Variants in DOCK8 observed in about 807,000 individuals in gnomAD.
DOCK8 encodes the protein dedicator of cytokinesis 8.
In DOCK8, 141 loss-of-function variants were observed where a neutral mutation model predicts 245.6. That is an observed-to-expected ratio of 0.57 (90% CI 0.50 to 0.66). The LOEUF (loss-of-function observed/expected upper bound fraction) is 0.66, where lower values mean the gene tolerates loss of function less well. Among genes scored for constraint, DOCK8 ranks in the 30% least tolerant of loss-of-function variants. The probability of loss-of-function intolerance (pLI) is 0.00; values close to 1 mark genes in which losing one functional copy is unlikely to be tolerated. For synonymous variants in DOCK8, 1,168 were observed against 970.2 expected, an observed-to-expected ratio of 1.20 and a Z score of -3.79; for missense variants, 2,965 against 2,603.4, an observed-to-expected ratio of 1.14 and a Z score of -3.02.
intron 23 of DOCK8, 51 bp from the exon 24 acceptor site, chr9:390,420 G>A: frequency 6.6e-7 from 1 of 1,525,360 alleles, no homozygotes; most frequent in Non-Finnish European, 9.1e-7. Context: ...AAGTGTTGGT[G>A]AATAATAATA....
At chr9:347,392 G>C (rs1346242193) in intron 14 of DOCK8, among the ~76,000 whole-genome samples, 1 of 152,116 alleles carries the variant, frequency 6.6e-6, no homozygotes, top group Non-Finnish European at 1.5e-5. Context: ...TGCAGTCCCA[G>C]TTACTTGTGA....
Position 451,051 on chromosome 9 carries a change from G to A in DOCK8, c.5962-960G>A, listed in dbSNP as rs921285182. On this transcript the variant is annotated intron_variant, in intron 45 of 47. Transcript: ENST00000432829. ...TTCGGCGCCAGGCTCAGTGGCTCAT[G>A]CCTATAATCCCAGCACTGTGGGAGG... 3.9e-5 allele frequency among the ~76,000 whole-genome samples: 6 copies of A among 152,122 alleles called. 1 individual carries two copies. The highest frequency in any genetic ancestry group is 2.0e-4 in the Admixed American group (3 of 15,264).
Position 420,533 on chromosome 9 carries a change from A to C in DOCK8, c.3973A>C (p.Asn1325His), listed in dbSNP as rs1433907129. 1 of 1,614,182 alleles carries C rather than the reference A, an allele frequency of 6.2e-7. No homozygotes were observed. Among genetic ancestry groups the C allele is most frequent in the Non-Finnish European group, 8.5e-7 (1 of 1,180,026 alleles). The change falls in exon 31 of 48, where the codon AAC becomes CAC. Residue 1325 changes from asparagine (N) to histidine (H), a missense_variant. By Grantham distance (68) the Asn-to-His change is moderately conservative. This residue lies in a region of DOCK8 where 2,825 missense variants were observed against 2,453.5 expected (regional missense o/e 1.15). Coordinates refer to ENST00000432829, the MANE Select transcript of DOCK8 (RefSeq NM_203447.4). ...WIADLPSTQL[N>H]RILDLLFICV... ...TGCTGACCTGCCATCAACGCAGCTC[A>C]ACAGGATTTTAGATCTACTTTTCAT...
At chr9:299,428 A>T (rs1281695856) in intron 4 of DOCK8, among the ~76,000 whole-genome samples, 3 of 151,916 alleles carry the variant, frequency 2.0e-5, no homozygotes, top group African/African-American at 7.2e-5. Flanking sequence ...TACTCGGCTA[A>T]TTTTTTGTGT....
At chr9:409,179 A>G (rs1000899008) in intron 28 of DOCK8, among the ~76,000 whole-genome samples, 4 of 152,184 alleles carry the variant, frequency 2.6e-5, no homozygotes, top group Non-Finnish European at 4.4e-5. Context: ...GGCAAGGGCC[A>G]GAAGGACGCA....
chr9:233,342 G>C (rs2047164454), intron 1 of DOCK8, among the ~76,000 whole-genome samples: 1 of 152,170 alleles, frequency 6.6e-6, no homozygotes, highest in Non-Finnish European at 1.5e-5. Flanking sequence ...TGGAATAGGT[G>C]TGGTGTGGTG....
At chr9:334,749 T>TA (rs912712112) in intron 11 of DOCK8, among the ~76,000 whole-genome samples, 11 of 143,732 alleles carry the variant, frequency 7.7e-5, no homozygotes, top group African/African-American at 1.3e-4. Context: ...CTCCTAAACC[T>TA]AAAAAAAAAA....
Position 335,315 on chromosome 9 carries a change from A to G in DOCK8, c.1285+931A>G, listed in dbSNP as rs146475905. Among the ~76,000 whole-genome samples the G allele has an allele frequency of 1.2e-3, 190 of 152,330 alleles. 1 individual carries two copies. The highest frequency in any genetic ancestry group is 4.3e-3 in the African/African-American group (179 of 41,570). On this transcript the variant is annotated intron_variant, in intron 11 of 47. Coordinates refer to ENST00000432829, the MANE Select transcript of DOCK8 (RefSeq NM_203447.4). ...CAAATTTTCAAGTAGACCTGCCCATATCACCTGTGGTGGGGTTTCTCTTTC... is the reference window on the plus strand; with the variant it reads ...CAAATTTTCAAGTAGACCTGCCCATGTCACCTGTGGTGGGGTTTCTCTTTC...
At chr9:443,542 C>A in intron 43 of DOCK8, 26 bp downstream of exon 43, 1 of 1,564,802 alleles carries the variant, frequency 6.4e-7, no homozygotes, top group East Asian at 2.2e-5. Context: ...CAAAAACTAA[C>A]CATCAAGCTC....
At chr9:345,339 A>C (rs1186607283) in intron 14 of DOCK8, among the ~76,000 whole-genome samples, 1 of 152,208 alleles carries the variant, frequency 6.6e-6, no homozygotes, top group Non-Finnish European at 1.5e-5. Context: ...ATCTGCCTGG[A>C]GCTTGTAGCT....
intron 23 of DOCK8, 77 bp from the exon 24 acceptor site, chr9:390,394 T>TAAAAG (rs991105294): frequency 7.4e-7 from 1 of 1,352,828 alleles, no homozygotes; most frequent in African/African-American, 1.4e-5. Context: ...TTGGGGGGAA[T>TAAAAG]AAAAGAAAAG....
chr9:297,086 CA>C (rs1342981532), intron 4 of DOCK8, among the ~76,000 whole-genome samples: 1 of 151,970 alleles, frequency 6.6e-6, no homozygotes, highest in Non-Finnish European at 1.5e-5. Context: ...ATTTTAGCAC[CA>C]AATTGTACAG....
intron 2 of DOCK8, among the ~76,000 whole-genome samples, chr9:272,339 C>T (rs2048186368): frequency 6.6e-6 from 1 of 152,132 alleles, no homozygotes; most frequent in Admixed American, 6.5e-5. Context: ...CTTCTGTCAC[C>T]ATAATTTTGC....
chr9:247,099 A>G (rs984035636), intron 1 of DOCK8, among the ~76,000 whole-genome samples: 1 of 152,244 alleles, frequency 6.6e-6, no homozygotes, highest in African/African-American at 2.4e-5. Flanking sequence ...AGCATTCTGA[A>G]TGACCTGAGT....
At chr9:347,155 C>T (rs1485414010) in intron 14 of DOCK8, among the ~76,000 whole-genome samples, 2 of 152,114 alleles carry the variant, frequency 1.3e-5, no homozygotes, top group African/African-American at 4.8e-5. Context: ...CCCTCCTTCT[C>T]ATGGAAGGGA....
intron 35 of DOCK8, among the ~76,000 whole-genome samples, chr9:429,226 C>G (rs1423466026): frequency 1.3e-5 from 2 of 152,250 alleles, no homozygotes; most frequent in African/African-American, 4.8e-5. Context: ...CTCAGCCTCC[C>G]AAAGCACTGG....
intron 46 of DOCK8, chr9:457,969 G>A (rs1364026987): frequency 1.3e-5 from 2 of 152,244 alleles, no homozygotes; most frequent in African/African-American, 2.4e-5. Flanking sequence ...AAGCCAGTAA[G>A]CAGCAAAGCG....
chr9:392,054 C>G (rs1341113971), intron 24 of DOCK8, among the ~76,000 whole-genome samples: 3 of 150,676 alleles, frequency 2.0e-5, no homozygotes, highest in African/African-American at 7.3e-5. Flanking sequence ...AGGAGAATTG[C>G]TTGAACCTGG....
chr9:326,668 C>T (rs1001017849), intron 8 of DOCK8, among the ~76,000 whole-genome samples: 2 of 152,246 alleles, frequency 1.3e-5, no homozygotes, highest in African/African-American at 4.8e-5. Flanking sequence ...AGGGACCCCT[C>T]TGTTCCACGC....
Sources: allele counts gnomAD v4.1 joint callset (sites outside exome capture counted in the v4.1 genomes callset), GRCh38; gene constraint gnomAD v4.1.1; regional missense constraint gnomAD v4.1.1; transcripts MANE v1.5; gene names NCBI Gene and HGNC (gene_info 2026-07-23, HGNC 2026-07-21).